Variants in BAIAP3 observed in about 807,000 individuals in gnomAD.
BAIAP3 encodes BAI1-associated protein 3.
In BAIAP3, 180 loss-of-function variants were observed where a neutral mutation model predicts 149.7. The ratio of observed to expected loss-of-function variants is 1.20; its 90% CI spans 1.07 to 1.36. The LOEUF (loss-of-function observed/expected upper bound fraction) is 1.36, where lower values mean the gene tolerates loss of function less well. Among genes scored for constraint, BAIAP3 ranks in the 40% most tolerant of loss-of-function variants. BAIAP3 has a pLI of 0.00. For missense variants in BAIAP3, 1,767 were observed against 1,563.4 expected (o/e 1.13, Z -2.20); for synonymous variants, 845 against 670.7 (o/e 1.26, Z -4.02).
rs2034464915 is a variant in BAIAP3, at chr16:1,347,568, G to A, written c.2847G>A (p.Leu949=). The A allele has an allele frequency of 1.2e-6, 2 of 1,611,654 alleles. No homozygotes were observed. The highest frequency in any genetic ancestry group is 2.7e-5 in the African/African-American group (2 of 75,008). Residue 949 remains leucine, a synonymous_variant, in exon 30 of 34, where the codon CTG becomes CTA. Transcript: ENST00000426824. ...AGAGGCTGAAGGAGGAGCTGCGGCTGCACAAATGTTCCACCCGCGAGTGCA... is the reference window on the plus strand; with the variant it reads ...AGAGGCTGAAGGAGGAGCTGCGGCTACACAAATGTTCCACCCGCGAGTGCA... ...SYKRLKEELR[L]HKCSTRECIE...
chr16:1,342,640 GA>G lies in BAIAP3; in HGVS notation c.1065+9del. The G allele has an allele frequency of 6.3e-7, 1 of 1,593,470 alleles. No individual in the cohort carries two copies. The highest frequency in any genetic ancestry group is 1.3e-5 in the African/African-American group (1 of 74,578). ...TCAAGCTGATCACTACGCAGGTGGG[GA>G]AAGTGGGCGTCCCCGTCCTCCACCC... On this transcript the variant is annotated splice_region_variant and intron_variant, in intron 12 of 33. Coordinates refer to ENST00000426824, the MANE Select transcript of BAIAP3 (RefSeq NM_001199097.2).
rs2034353528 is a variant in BAIAP3 at position 1,346,229 on chromosome 16, G to A, written c.2361G>A (p.Lys787=). The change falls in exon 25 of 34, where the codon AAG becomes AAA. Residue 787 remains lysine (K), a synonymous_variant. Coordinates refer to ENST00000426824, the MANE Select transcript of BAIAP3 (RefSeq NM_001199097.2). The part of the protein sequence containing the change: ...LVRKAAGQAL[K]GLAWPEGATG... Reference sequence around the variant, plus strand: ...GCAAGGCTGCTGGGCAGGCCTTGAAGGGCCTGGCATGGCCAGAGGGGGCCA... The same window carrying A: ...GCAAGGCTGCTGGGCAGGCCTTGAAAGGCCTGGCATGGCCAGAGGGGGCCA... 8 of 1,612,204 alleles carry A rather than the reference G, an allele frequency of 5.0e-6. No individual in the cohort carries two copies. The highest frequency in any genetic ancestry group is 1.1e-5 in the South Asian group (1 of 91,054).
rs2034538757 is a variant in BAIAP3 at position 1,348,378 on chromosome 16, G to A, written c.3356-1G>A. The A allele has an allele frequency of 1.2e-6, 2 of 1,612,134 alleles. No homozygotes were observed. Among genetic ancestry groups the A allele is most frequent in the African/African-American group, 1.3e-5 (1 of 74,924 alleles). ...CACACACCTGCCCGCGCTGCTTGCAGTGAGATCTGCGCTGAGGAGGCTGGA... is the reference window on the plus strand; with the variant it reads ...CACACACCTGCCCGCGCTGCTTGCAATGAGATCTGCGCTGAGGAGGCTGGA... On this transcript the variant is annotated splice_acceptor_variant, in intron 33 of 33. Transcript: ENST00000426824. LOFTEE classifies it high-confidence loss of function.
chr16:1,346,551 T>C (rs781053903), intron 26 of BAIAP3, 41 bp downstream of exon 26: 35 of 1,587,396 alleles, frequency 2.2e-5, no homozygotes, highest in Middle Eastern at 1.7e-4. Context: ...CTGTGTGTAC[T>C]GGGGGTAGGG....
At chr16:1,342,854 G>A (rs376306048) in intron 13 of BAIAP3, 40 bp downstream of exon 13, 211 of 1,612,158 alleles carry the variant, frequency 1.3e-4, no homozygotes, top group Non-Finnish European at 1.7e-4. Context: ...CCGGCAGGGG[G>A]CCTGAGGAGG....
chr16:1,340,800 A>G (rs1038683114), intron 5 of BAIAP3, 122 bp from the exon 6 acceptor site: 2 of 1,075,216 alleles, frequency 1.9e-6, no homozygotes, highest in African/African-American at 1.6e-5. Context: ...GCTTCCCCCA[A>G]CCCTGCACCC....
chr16:1,342,430 G>T, intron 11 of BAIAP3, 97 bp from the exon 12 acceptor site: 1 of 1,386,200 alleles, frequency 7.2e-7, no homozygotes, highest in Non-Finnish European at 9.9e-7. Context: ...CCGGAGAAGG[G>T]AAGCCCAGGC....
rs2034358347 is a variant in BAIAP3 at position 1,346,275 on chromosome 16, C to T, written c.2407C>T (p.Pro803Ser). The change falls in exon 25 of 34, where the codon CCC becomes TCC. Residue 803 changes from proline to serine, a missense_variant. Transcript: ENST00000426824. Reference sequence around the variant, plus strand: ...GGCCACGGGGCCCGAGGGGGTGCTCCCCCGCCCTCTGCTCAGCTGCACACA... The same window carrying T: ...GGCCACGGGGCCCGAGGGGGTGCTCTCCCGCCCTCTGCTCAGCTGCACACA... ...EGATGPEGVL[P>S]RPLLSCTQAL... 4 of 1,609,030 alleles carry T rather than the reference C, an allele frequency of 2.5e-6. No individual in the cohort carries two copies. The highest frequency in any genetic ancestry group is 1.3e-5 in the African/African-American group (1 of 74,866).
At position 1,345,282 on chromosome 16, in the gene BAIAP3, C is replaced by T. The variant is rs1175382376; in HGVS notation, c.1974C>T (p.His658=). The T allele has an allele frequency of 5.6e-6, 9 of 1,613,050 alleles. No individual in the cohort carries two copies. The highest frequency in any genetic ancestry group is 4.0e-5 in the African/African-American group (3 of 74,882). The change falls in exon 22 of 34, where the codon CAC becomes CAT. Residue 658 remains histidine, a synonymous_variant. Coordinates refer to ENST00000426824, the MANE Select transcript of BAIAP3 (RefSeq NM_001199097.2). ...GCTCTCTGGCCCTGGCTGGCATCCA[C>T]GCCCCCTTCCTGCCTGCTGTGAAGC... is the stretch of plus-strand genomic sequence containing the variant. ...DSRSLALAGI[H]APFLPAVKLW...
chr16:1,337,653 C>A (rs1013385652), intron 1 of BAIAP3, among the ~76,000 whole-genome samples: 1 of 152,160 alleles, frequency 6.6e-6, no homozygotes, highest in South Asian at 2.1e-4. Context: ...CAGCTCTGTC[C>A]CAGCGGTGAC....
chr16:1,344,153 G>A lies in BAIAP3; in HGVS notation c.1511+7G>A. 6.2e-7 allele frequency: 1 copy of A among 1,611,870 alleles called. No homozygotes were observed. The highest frequency in any genetic ancestry group is 8.5e-7 in the Non-Finnish European group (1 of 1,179,706). ...GCCTGGAGCTGCTGCTGAAGTGGGT[G>A]CAGCGCCGCGTGTCAGCGTGGGTGG... On this transcript the variant is annotated splice_region_variant and intron_variant, in intron 16 of 33. Transcript: ENST00000426824.
rs771567886 is a variant in BAIAP3, at chr16:1,345,361, G to T, written c.2053G>T (p.Asp685Tyr). Residue 685 changes from aspartate (D) to tyrosine (Y), a missense_variant, in exon 22 of 34, where the codon GAC becomes TAC. Physicochemically the swap from Asp to Tyr is radical, Grantham distance 160. Transcript: ENST00000426824. Reference protein sequence around the residue: ...QAKWRLQGAVDMDTLEPVDAS... With the variant: ...QAKWRLQGAVYMDTLEPVDAS... ...CAAGTGGAGGCTTCAGGGAGCCGTGGACATGGACACGGTGACAGCTGCCCT... is the reference window on the plus strand; with the variant it reads ...CAAGTGGAGGCTTCAGGGAGCCGTGTACATGGACACGGTGACAGCTGCCCT... The T allele has an allele frequency of 1.2e-6, 2 of 1,612,310 alleles. No homozygotes were observed. The highest frequency in any genetic ancestry group is 2.2e-5 in the South Asian group (2 of 91,050).
Position 1,347,619 on chromosome 16 carries a change from C to T in BAIAP3, c.2898C>T (p.Leu966=), listed in dbSNP as rs547580218. ...ECIEQFYLDK[L]KQRTLEQNRF... ...TCGAGCAGTTCTACCTGGACAAGCT[C>T]AAACAGGTAGGGAGGCGCCAGGGAC... is the stretch of plus-strand genomic sequence containing the variant. Residue 966 remains leucine, a synonymous_variant, in exon 30 of 34, where the codon CTC becomes CTT. Transcript: ENST00000426824. 1.9e-6 allele frequency: 3 copies of T among 1,613,042 alleles called. No homozygotes were observed. The highest frequency in any genetic ancestry group is 1.3e-5 in the African/African-American group (1 of 75,062).
chr16:1,338,747 C>A lies in BAIAP3; in HGVS notation c.131+67C>A, dbSNP rs544297994. On this transcript the variant is annotated intron_variant, in intron 2 of 33. Coordinates refer to ENST00000426824, the MANE Select transcript of BAIAP3 (RefSeq NM_001199097.2). ...TTTCCCGCCAGACTTCACACATGGC[C>A]GCCCCTGCCCCAGCACCCCTGGGCG... is the stretch of plus-strand genomic sequence containing the variant. 55 of 1,560,762 alleles carry A rather than the reference C, an allele frequency of 3.5e-5. No homozygotes were observed. The African/African-American group carries it at 6.9e-4, about 20-fold the overall frequency.
chr16:1,344,422 C>T (rs1486200363), intron 17 of BAIAP3, 47 bp from the exon 18 acceptor site: 2 of 1,612,344 alleles, frequency 1.2e-6, no homozygotes. Context: ...CCCACCTCTT[C>T]CTCTTCCCTG....
Position 1,344,554 on chromosome 16 carries a change from G to C in BAIAP3, c.1659+29G>C, listed in dbSNP as rs779239671. ...CAGTTGTGGGGGACCCTGGCCATGA[G>C]GGGTACGGGCAGCCGAGAGGTGGGT... On this transcript the variant is annotated intron_variant, in intron 18 of 33. Transcript: ENST00000426824. 5 of 1,612,546 alleles carry C rather than the reference G, an allele frequency of 3.1e-6. No homozygotes were observed. The South Asian group carries it at 5.5e-5, about 18-fold the overall frequency.
In BAIAP3 at chr16:1,346,226, G is replaced by C; in HGVS notation, c.2358G>C (p.Leu786Phe). Residue 786 changes from leucine (L) to phenylalanine (F), a missense_variant, in exon 25 of 34, where the codon TTG becomes TTC. By Grantham distance (22) the Leu-to-Phe change is conservative. Coordinates refer to ENST00000426824, the MANE Select transcript of BAIAP3 (RefSeq NM_001199097.2). ...TGCGCAAGGCTGCTGGGCAGGCCTTGAAGGGCCTGGCATGGCCAGAGGGGG... is the reference window on the plus strand; with the variant it reads ...TGCGCAAGGCTGCTGGGCAGGCCTTCAAGGGCCTGGCATGGCCAGAGGGGG... ...ELVRKAAGQALKGLAWPEGAT... is the reference protein window; with the variant it reads ...ELVRKAAGQAFKGLAWPEGAT... The C allele has an allele frequency of 6.2e-7, 1 of 1,612,338 alleles. No individual in the cohort carries two copies. Among genetic ancestry groups the C allele is most frequent in the South Asian group, 1.1e-5 (1 of 91,046 alleles).
chr16:1,348,087 T>C lies in BAIAP3; in HGVS notation c.3150-9T>C, dbSNP rs770012876. On this transcript the variant is annotated splice_polypyrimidine_tract_variant and intron_variant, in intron 32 of 33. Transcript: ENST00000426824. ...CGGAGCGAGACTCCCGACTGGCCTC[T>C]GTCCGCAGTTCCGTGCCTGCCGAGG... 1 of 1,601,770 alleles carries C rather than the reference T, an allele frequency of 6.2e-7. No individual in the cohort carries two copies. The highest frequency in any genetic ancestry group is 2.2e-5 in the East Asian group (1 of 44,842).
chr16:1,346,410 C>G, intron 25 of BAIAP3, 32 bp from the exon 26 acceptor site: 12 of 1,611,932 alleles, frequency 7.4e-6, no homozygotes, highest in Non-Finnish European at 1.0e-5. Context: ...CTGGTGCCCC[C>G]TGCCCGTGCT....
Sources: gnomAD v4.1 joint callset for allele counts (sites outside exome capture counted in the v4.1 genomes callset) on GRCh38, gnomAD v4.1.1 for gene constraint, MANE v1.5 for transcripts, NCBI Gene and HGNC (gene_info 2026-07-23, HGNC 2026-07-21) for gene names.